Variants in MNS1 observed in about 807,000 individuals in gnomAD.
MNS1 encodes the protein meiosis-specific nuclear structural protein 1.
Under a neutral mutation model 72.0 loss-of-function variants are expected in MNS1, and 63 were observed. The ratio of observed to expected loss-of-function variants is 0.87; its 90% CI spans 0.71 to 1.08. The LOEUF (loss-of-function observed/expected upper bound fraction) is 1.08, where lower values mean the gene tolerates loss of function less well. Ranked by LOEUF, MNS1 falls within the 50% of genes least tolerant of loss-of-function variation. The pLI is 0.00. For missense variants in MNS1, 604 were observed against 562.4 expected, an observed-to-expected ratio of 1.07 and a Z score of -0.75; for synonymous variants, 188 against 172.1, an observed-to-expected ratio of 1.09 and a Z score of -0.72.
At position 56,464,110 on chromosome 15, in the gene MNS1, A is replaced by G. The variant is rs986868115; in HGVS notation, c.141T>C (p.Asn47=). ...ATTGCTTGCGCTGAACACGGTTATC[A>G]TTTTCATTCTGCACCATTTGATTCC... is the stretch of plus-strand genomic sequence containing the variant. ...QIRNQMVQNE[N]DNRVQRKQFL... is the part of the protein sequence containing the mutation. Residue 47 remains asparagine, a synonymous_variant, in exon 2 of 10, where the codon AAT becomes AAC. Transcript: ENST00000260453. 1.2e-6 allele frequency: 2 copies of G among 1,613,960 alleles called. No homozygotes were observed. The highest frequency in any genetic ancestry group is 1.7e-6 in the Non-Finnish European group (2 of 1,180,014).
intron 3 of MNS1, among the ~76,000 whole-genome samples, chr15:56,450,252 C>A (rs2140368744): frequency 6.6e-6 from 1 of 152,196 alleles, no homozygotes; most frequent in South Asian, 2.1e-4. Context: ...CATTTTTTAT[C>A]ATGTGAAAAT....
chr15:56,431,675 A>G (rs1369800350), intron 8 of MNS1, among the ~76,000 whole-genome samples, 177 bp from the exon 9 acceptor site: 3 of 152,106 alleles, frequency 2.0e-5, no homozygotes, highest in East Asian at 3.9e-4. Context: ...CTGTACACAT[A>G]TCTATGTATT....
intron 8 of MNS1, among the ~76,000 whole-genome samples, chr15:56,432,369 G>A (rs1478017736): frequency 6.6e-6 from 1 of 152,172 alleles, no homozygotes; most frequent in Non-Finnish European, 1.5e-5. Context: ...GGAAGTTTCA[G>A]ATTTTGTCTG....
intron 2 of MNS1, among the ~76,000 whole-genome samples, chr15:56,460,009 A>AAAAATATATATATATATATATATATAT: frequency 1.1e-4 from 3 of 26,386 alleles, no homozygotes; most frequent in Non-Finnish European, 1.4e-4. Flanking sequence ...AAAAAAAAAA[A>AAAAATATATATATATATATATATATAT]ATACATATAT....
intron 2 of MNS1, among the ~76,000 whole-genome samples, chr15:56,462,361 C>G (rs943182806): frequency 6.6e-6 from 1 of 152,158 alleles, no homozygotes; most frequent in African/African-American, 2.4e-5. Context: ...ATACTGGCAT[C>G]ACTAAAAGTG....
chr15:56,445,815 G>A (rs189724581), intron 4 of MNS1: 245 of 152,070 alleles, frequency 1.6e-3, no homozygotes, highest in African/African-American at 5.7e-3. Context: ...AGATTAAAAC[G>A]TCTACAACTA....
intron 8 of MNS1, among the ~76,000 whole-genome samples, chr15:56,431,846 T>A (rs1172068431): frequency 6.6e-6 from 1 of 151,848 alleles, no homozygotes; most frequent in African/African-American, 2.4e-5. Flanking sequence ...GAGTTTACAG[T>A]GTAAAACAAA....
At chr15:56,447,040 G>C (rs2050910511) in intron 3 of MNS1, 97 bp from the exon 4 acceptor site, 1 of 785,306 alleles carries the variant, frequency 1.3e-6, no homozygotes, top group Admixed American at 2.4e-5. Flanking sequence ...TTTACTCAAA[G>C]AGGGAATACA....
intron 7 of MNS1, among the ~76,000 whole-genome samples, chr15:56,435,057 A>T (rs1365821560): frequency 1.3e-5 from 2 of 152,100 alleles, no homozygotes; most frequent in African/African-American, 4.8e-5. Flanking sequence ...TAAATAATTC[A>T]TGGGCCAAAG....
chr15:56,439,129 A>T (rs1209274642), intron 7 of MNS1, among the ~76,000 whole-genome samples: 2 of 152,184 alleles, frequency 1.3e-5, no homozygotes, highest in African/African-American at 4.8e-5. Flanking sequence ...ATATCAATTC[A>T]CTAGCAACGA....
chr15:56,435,552 A>C (rs1221104875), intron 7 of MNS1, among the ~76,000 whole-genome samples: 1 of 152,098 alleles, frequency 6.6e-6, no homozygotes, highest in Non-Finnish European at 1.5e-5. Context: ...TATTATACAC[A>C]CATAAATTTG....
Position 56,464,126 on chromosome 15 carries a change from A to C in MNS1, c.125T>G (p.Met42Arg). ...KNVNSQIRNQ[M>R]VQNENDNRVQ... ...ACGGTTATCATTTTCATTCTGCACC[A>C]TTTGATTCCTGATTTGACTGTTGAC... Residue 42 changes from methionine (M) to arginine (R), a missense_variant, in exon 2 of 10, where the codon ATG becomes AGG. Transcript: ENST00000260453. The C allele has an allele frequency of 6.2e-7, 1 of 1,614,076 alleles. No individual in the cohort carries two copies.
intron 4 of MNS1, among the ~76,000 whole-genome samples, chr15:56,446,507 T>C (rs1379259520): frequency 6.6e-6 from 1 of 152,028 alleles, no homozygotes. Context: ...ATTTAAATAA[T>C]TAAAAATTTC....
At chr15:56,458,122 A>G (rs1316592614) in intron 2 of MNS1, among the ~76,000 whole-genome samples, 1 of 152,222 alleles carries the variant, frequency 6.6e-6, no homozygotes, top group African/African-American at 2.4e-5. Context: ...AAAAGATTAC[A>G]TACAGTTTGA....
At chr15:56,448,223 ACTGT>A (rs1475244153) in intron 3 of MNS1, among the ~76,000 whole-genome samples, 1 of 152,172 alleles carries the variant, frequency 6.6e-6, no homozygotes, top group African/African-American at 2.4e-5. Flanking sequence ...AAGCTGCCAA[ACTGT>A]CTACTAAAGT....
intron 7 of MNS1, among the ~76,000 whole-genome samples, chr15:56,436,687 C>A (rs533505004): frequency 6.6e-6 from 1 of 151,840 alleles, no homozygotes; most frequent in Non-Finnish European, 1.5e-5. Context: ...CTGAGAAGAT[C>A]AACAAAATTG....
chr15:56,437,092 A>G (rs994248355), intron 7 of MNS1, among the ~76,000 whole-genome samples: 4 of 152,220 alleles, frequency 2.6e-5, no homozygotes, highest in African/African-American at 7.2e-5. Flanking sequence ...AATCCTCCCT[A>G]ACTCATTTTA....
chr15:56,445,100 G>A (rs2050885196), intron 4 of MNS1, among the ~76,000 whole-genome samples: 3 of 151,900 alleles, frequency 2.0e-5, no homozygotes, highest in Non-Finnish European at 4.4e-5. Context: ...CTTTCTTACA[G>A]GTCTGCTATT....
intron 4 of MNS1, chr15:56,445,924 A>G (rs1317362528): frequency 1.3e-5 from 2 of 152,050 alleles, no homozygotes; most frequent in African/African-American, 2.4e-5. Flanking sequence ...ACAGCGCTAT[A>G]TGGCTTAGCA....
Sources: gnomAD v4.1 joint callset for allele counts (sites outside exome capture counted in the v4.1 genomes callset) on GRCh38, gnomAD v4.1.1 for gene constraint, MANE v1.5 for transcripts, NCBI Gene and HGNC (gene_info 2026-07-23, HGNC 2026-07-21) for gene names.